Variants in AP2A2 observed in about 807,000 individuals in gnomAD.
The protein encoded by AP2A2 is adaptor related protein complex 2 subunit alpha 2, also known as AP-2 complex subunit alpha-2.
A neutral mutation model predicts 104.2 loss-of-function variants in AP2A2; 32 were observed. That is an observed-to-expected ratio of 0.31 (90% CI 0.23 to 0.41). The LOEUF is 0.41. Ranked by LOEUF, AP2A2 falls within the 10% of genes least tolerant of loss-of-function variation. The pLI is 1.00. For synonymous variants in AP2A2, 539 were observed against 533.3 expected (o/e 1.01, Z -0.15); for missense variants, 912 against 1,261.0 (o/e 0.72, Z 4.19).
intron 9 of AP2A2, among the ~76,000 whole-genome samples, chr11:988,022 A>G (rs975552078): frequency 6.6e-6 from 1 of 152,218 alleles, no homozygotes; most frequent in Non-Finnish European, 1.5e-5. Context: ...AGGGCTGGAC[A>G]CTCATTTGCA....
At chr11:988,725 C>T in intron 10 of AP2A2, 36 bp downstream of exon 10, 1 of 1,610,560 alleles carries the variant, frequency 6.2e-7, no homozygotes, top group Non-Finnish European at 8.5e-7. Context: ...TCTCCTGCCA[C>T]AGGCGTGAAT....
intron 14 of AP2A2, among the ~76,000 whole-genome samples, chr11:996,379 C>A (rs1298544717): frequency 6.6e-6 from 1 of 152,244 alleles, no homozygotes; most frequent in Non-Finnish European, 1.5e-5. Context: ...TCTCGCTCCC[C>A]TCCAGCTGCT....
At chr11:975,882 G>A (rs979339171) in intron 4 of AP2A2, among the ~76,000 whole-genome samples, 2 of 152,160 alleles carry the variant, frequency 1.3e-5, no homozygotes, top group African/African-American at 2.4e-5. Flanking sequence ...TGGGGCCCCC[G>A]TCCCCTTGGT....
At chr11:927,154 C>G (rs1407748929) in intron 1 of AP2A2, among the ~76,000 whole-genome samples, 1 of 152,154 alleles carries the variant, frequency 6.6e-6, no homozygotes, top group East Asian at 1.9e-4. Context: ...CAACCTCCCA[C>G]CTCAAGTGAT....
intron 10 of AP2A2, among the ~76,000 whole-genome samples, chr11:990,082 G>T (rs957261637): frequency 7.2e-5 from 11 of 152,148 alleles, no homozygotes; most frequent in Non-Finnish European, 1.6e-4. Flanking sequence ...AGGAGCCCAG[G>T]TGCTGGGGCT....
intron 10 of AP2A2, among the ~76,000 whole-genome samples, chr11:990,743 C>T (rs1205264282): frequency 6.8e-6 from 1 of 146,488 alleles, no homozygotes; most frequent in Admixed American, 6.7e-5. Flanking sequence ...GTGCTCCCCC[C>T]ACCCCATCCT....
chr11:1,009,089 G>GCTA lies in AP2A2; in HGVS notation c.2421-9_2421-8insACT. On this transcript the variant is annotated splice_polypyrimidine_tract_variant and intron_variant, in intron 18 of 21. Transcript: ENST00000448903. The stretch of plus-strand genomic sequence containing the variant: ...CTGACTGTCTCTTTCTGCTGCTGCT[G>GCTA]CTGCTGGCAGGTATGGGGGCACCTT... 6.2e-7 allele frequency: 1 copy of GCTA among 1,604,710 alleles called. No individual in the cohort carries two copies. Among genetic ancestry groups the GCTA allele is most frequent in the Non-Finnish European group, 8.5e-7 (1 of 1,173,206 alleles).
intron 10 of AP2A2, among the ~76,000 whole-genome samples, chr11:989,617 G>A (rs935727611): frequency 6.6e-6 from 1 of 152,232 alleles, no homozygotes; most frequent in East Asian, 1.9e-4. Flanking sequence ...TCACAAAGTA[G>A]GTGTGCACAC....
chr11:953,275 C>T (rs1854112931), intron 1 of AP2A2, among the ~76,000 whole-genome samples: 1 of 152,122 alleles, frequency 6.6e-6, no homozygotes, highest in Non-Finnish European at 1.5e-5. Context: ...GGCAATTCTT[C>T]CACTTCAGCT....
chr11:985,640 G>A (rs1054503853), intron 8 of AP2A2, 58 bp downstream of exon 8: 31 of 1,605,530 alleles, frequency 1.9e-5, no homozygotes, highest in Non-Finnish European at 2.3e-5. Flanking sequence ...GTTCCTTCTC[G>A]TTGGCACGAG....
chr11:963,567 G>T (rs1022982735), intron 2 of AP2A2, among the ~76,000 whole-genome samples: 1 of 152,178 alleles, frequency 6.6e-6, no homozygotes, highest in Admixed American at 6.5e-5. Flanking sequence ...GTGGCATGAG[G>T]CTGCTGTGTG....
At chr11:1,005,318 G>A (rs1311780297) in intron 16 of AP2A2, among the ~76,000 whole-genome samples, 4 of 152,230 alleles carry the variant, frequency 2.6e-5, no homozygotes, top group African/African-American at 7.2e-5. Flanking sequence ...CGTAGCTGGG[G>A]GATGCCAGGG....
At chr11:978,325 C>T (rs530776924) in intron 5 of AP2A2, among the ~76,000 whole-genome samples, 1 of 152,294 alleles carries the variant, frequency 6.6e-6, no homozygotes, top group Admixed American at 6.5e-5. Context: ...TGTCATTGCT[C>T]CTGCCTTGGC....
chr11:1,009,452 A>G, intron 20 of AP2A2, 55 bp downstream of exon 20: 6 of 1,519,460 alleles, frequency 3.9e-6, no homozygotes, highest in Non-Finnish European at 5.4e-6. Flanking sequence ...ACCCCGCGCC[A>G]GGGTCTGGAG....
intron 2 of AP2A2, among the ~76,000 whole-genome samples, chr11:966,035 G>A (rs781760418): frequency 6.6e-6 from 1 of 152,100 alleles, no homozygotes; most frequent in Non-Finnish European, 1.5e-5. Context: ...ATGGGGTCTC[G>A]CTGTGTTTCC....
intron 1 of AP2A2, among the ~76,000 whole-genome samples, chr11:958,499 T>C (rs1488861423): frequency 6.6e-6 from 1 of 152,180 alleles, no homozygotes; most frequent in African/African-American, 2.4e-5. Flanking sequence ...TTGATTGCCA[T>C]TGGGGATGGA....
At chr11:1,009,068 C>A in intron 18 of AP2A2, 32 bp from the exon 19 acceptor site, 1 of 1,554,192 alleles carries the variant, frequency 6.4e-7, no homozygotes, top group Non-Finnish European at 8.8e-7. Context: ...GAGTAGCTGA[C>A]TGTCTCTTTC....
chr11:964,794 A>G (rs563160994), intron 2 of AP2A2, among the ~76,000 whole-genome samples: 16 of 136,064 alleles, frequency 1.2e-4, no homozygotes, highest in Non-Finnish European at 2.2e-4. Flanking sequence ...ATAATCCCAG[A>G]TGGAAGCGTG....
chr11:947,182 T>A (rs1212203656), intron 1 of AP2A2, among the ~76,000 whole-genome samples: 1 of 152,072 alleles, frequency 6.6e-6, no homozygotes, highest in East Asian at 1.9e-4. Flanking sequence ...AGCTAATTTT[T>A]GTATTTTTAG....
Sources: allele counts gnomAD v4.1 joint callset (sites outside exome capture counted in the v4.1 genomes callset), GRCh38; gene constraint gnomAD v4.1.1; transcripts MANE v1.5; gene names NCBI Gene and HGNC (gene_info 2026-07-23, HGNC 2026-07-21).